SERINC5: variants seen among roughly 807,000 people sequenced by gnomAD.
SERINC5 encodes the protein serine incorporator 5.
SERINC5 carries 41 observed loss-of-function variants against 63.1 expected under a neutral mutation model. The ratio of observed to expected loss-of-function variants is 0.65; its 90% confidence interval spans 0.51 to 0.84. The LOEUF (loss-of-function observed/expected upper bound fraction) is 0.84, where lower values mean the gene tolerates loss of function less well. SERINC5 is among the 40% of genes least tolerant of loss of function. The pLI is 0.00. For synonymous variants in SERINC5, 222 were observed against 215.2 expected (o/e 1.03, Z -0.28); for missense variants, 523 against 573.0 (o/e 0.91, Z 0.89).
chr5:80,144,323 G>C (rs1160951615), intron 11 of SERINC5, among the ~76,000 whole-genome samples: 1 of 152,172 alleles, frequency 6.6e-6, no homozygotes, highest in Non-Finnish European at 1.5e-5. Flanking sequence ...ACACCGCTGT[G>C]TAAGTTTTGT....
intron 9 of SERINC5, among the ~76,000 whole-genome samples, chr5:80,148,697 G>A (rs115994333): frequency 0.021 from 3,152 of 151,822 alleles, 114 homozygotes; most frequent in African/African-American, 0.071. Context: ...AAAAAAGTAT[G>A]TGATTTCAGA....
chr5:80,255,756 CG>C, intron 1 of SERINC5, 139 bp downstream of exon 1: 2 of 782,504 alleles, frequency 2.6e-6, no homozygotes, highest in Non-Finnish European at 2.0e-6. Context: ...CTGAGCGCCG[CG>C]GGGCCAGCCC....
At chr5:80,227,187 C>T (rs768703812) in intron 1 of SERINC5, among the ~76,000 whole-genome samples, 8 of 152,208 alleles carry the variant, frequency 5.3e-5, no homozygotes, top group East Asian at 1.9e-4. Context: ...TGAGCCACTG[C>T]GCCTGGCCTA....
chr5:80,151,713 T>G (rs1286126024), intron 8 of SERINC5, among the ~76,000 whole-genome samples: 1 of 152,184 alleles, frequency 6.6e-6, no homozygotes, highest in Non-Finnish European at 1.5e-5. Flanking sequence ...CAGCTAACTT[T>G]ACAGATTGAT....
chr5:80,164,775 G>A (rs1435898399), intron 7 of SERINC5, among the ~76,000 whole-genome samples: 3 of 151,902 alleles, frequency 2.0e-5, no homozygotes, highest in Admixed American at 2.0e-4. Flanking sequence ...TTGTTAATTT[G>A]TAATCTTTCT....
intron 11 of SERINC5, among the ~76,000 whole-genome samples, chr5:80,144,572 T>A (rs1389871023): frequency 6.6e-6 from 1 of 152,176 alleles, no homozygotes; most frequent in African/African-American, 2.4e-5. Context: ...AGCCAAAAAT[T>A]CCCAGGAGTT....
intron 5 of SERINC5, among the ~76,000 whole-genome samples, chr5:80,173,028 C>A (rs150637710): frequency 1.3e-5 from 2 of 152,224 alleles, no homozygotes; most frequent in Admixed American, 1.3e-4. Context: ...CTAAGGCTAA[C>A]TTCCTGATAT....
intron 1 of SERINC5, among the ~76,000 whole-genome samples, chr5:80,237,015 G>A (rs1220138921): frequency 4.0e-5 from 6 of 151,678 alleles, no homozygotes; most frequent in Admixed American, 1.3e-4. Context: ...TTGTAGAGAC[G>A]GGGTTTCACC....
chr5:80,116,719 T>A (rs1425910635), intron 11 of SERINC5, among the ~76,000 whole-genome samples: 1 of 152,056 alleles, frequency 6.6e-6, no homozygotes, highest in African/African-American at 2.4e-5. Flanking sequence ...AGAGGCAGGC[T>A]GCTCTGGCCT....
chr5:80,208,966 C>T (rs1750305347), intron 1 of SERINC5, among the ~76,000 whole-genome samples: 1 of 152,174 alleles, frequency 6.6e-6, no homozygotes, highest in African/African-American at 2.4e-5. Context: ...CAGATAGGGC[C>T]TTTAAAAAGG....
At chr5:80,160,950 ATATATATGTGTGTGTATATATATG>A (rs962071476) in intron 7 of SERINC5, among the ~76,000 whole-genome samples, 3 of 133,150 alleles carry the variant, frequency 2.3e-5, no homozygotes, top group African/African-American at 8.8e-5. Flanking sequence ...ATATGTGTAT[ATATATATGTGTGTGTATATATATG>A]TATATATGTG....
At chr5:80,195,805 GT>G (rs1749463192) in intron 2 of SERINC5, among the ~76,000 whole-genome samples, 2 of 152,174 alleles carry the variant, frequency 1.3e-5, no homozygotes, top group East Asian at 3.8e-4. Context: ...AATCCAAGTT[GT>G]TTTTAAGTAA....
In SERINC5 at chr5:80,139,544, T is replaced by C; in HGVS notation, c.*4119A>G. The C allele has an allele frequency of 1.0e-6, 1 of 984,402 alleles. No homozygotes were observed. Among genetic ancestry groups the C allele is most frequent in the Non-Finnish European group, 1.2e-6 (1 of 829,888 alleles). 61.0% of individuals were successfully genotyped at this position (984,402 alleles called of 1,614,324 possible). On this transcript the variant is annotated 3_prime_UTR_variant, in exon 12 of 12. Coordinates refer to ENST00000507668, the MANE Select transcript of SERINC5 (RefSeq NM_001174072.3). ...AAGCTCTTTGGTAAAGGCCAAATAT[T>C]TCAACCTTTCAAAATGACTGCCTCT...
intron 1 of SERINC5, among the ~76,000 whole-genome samples, chr5:80,213,063 G>A (rs1163558954): frequency 6.6e-6 from 1 of 151,970 alleles, no homozygotes; most frequent in Non-Finnish European, 1.5e-5. Flanking sequence ...TGGACAACAT[G>A]GTGAAACCCT....
At chr5:80,222,553 A>AGTATGTGAGTATGTGAGT (rs550308144) in intron 1 of SERINC5, among the ~76,000 whole-genome samples, 5 of 138,890 alleles carry the variant, frequency 3.6e-5, no homozygotes, top group Non-Finnish European at 6.6e-5. Context: ...TTTGTGGGTG[A>AGTATGTGAGTATGTGAGT]GTGTGTGAGT....
At chr5:80,210,872 T>A (rs189001997) in intron 1 of SERINC5, among the ~76,000 whole-genome samples, 3 of 152,094 alleles carry the variant, frequency 2.0e-5, no homozygotes, top group Admixed American at 1.3e-4. Context: ...GATCAACAGG[T>A]TTCATCTCAC....
intron 11 of SERINC5, among the ~76,000 whole-genome samples, chr5:80,118,498 C>T (rs891208137): frequency 3.9e-5 from 6 of 151,986 alleles, no homozygotes; most frequent in South Asian, 2.1e-4. Flanking sequence ...GTCCTCATTG[C>T]GGAAGGGGCC....
At chr5:80,148,189 C>CTTTTTTTTTTTTTTTTT (rs796769914) in intron 9 of SERINC5, among the ~76,000 whole-genome samples, 35 of 102,322 alleles carry the variant, frequency 3.4e-4, no homozygotes, top group Non-Finnish European at 4.1e-4. Flanking sequence ...ATTTTTTATT[C>CTTTTTTTTTTTTTTTTT]TTTTTTTTTT....
intron 8 of SERINC5, among the ~76,000 whole-genome samples, chr5:80,155,250 G>A (rs558507839): frequency 1.3e-5 from 2 of 152,358 alleles, no homozygotes; most frequent in South Asian, 2.1e-4. Context: ...CTAAAGGGGT[G>A]TGGAGGGATG....
Sources: gnomAD v4.1 joint callset for allele counts (sites outside exome capture counted in the v4.1 genomes callset) on GRCh38, gnomAD v4.1.1 for gene constraint, MANE v1.5 for transcripts, NCBI Gene and HGNC (gene_info 2026-07-23, HGNC 2026-07-21) for gene names.